DISC1: variants seen among roughly 807,000 people sequenced by gnomAD.
DISC1 encodes DISC1 scaffold protein, also known as disrupted in schizophrenia 1 protein.
In DISC1, 57 loss-of-function variants were observed where a neutral mutation model predicts 84.5. That is an observed-to-expected ratio of 0.67 (90% CI 0.55 to 0.84). The LOEUF (loss-of-function observed/expected upper bound fraction) is 0.84. DISC1 is among the 40% of genes least tolerant of loss of function. The probability of loss-of-function intolerance (pLI) is 0.00; values close to 1 mark genes in which losing one functional copy is unlikely to be tolerated. For synonymous variants in DISC1, 411 were observed against 415.2 expected (o/e 0.99, Z 0.12); for missense variants, 1,000 against 1,057.8 (o/e 0.95, Z 0.76).
intron 2 of DISC1, among the ~76,000 whole-genome samples, chr1:231,696,580 A>T (rs530752382): frequency 6.6e-6 from 1 of 152,230 alleles, no homozygotes; most frequent in Non-Finnish European, 1.5e-5. Flanking sequence ...AATTACACTC[A>T]TGTACTGCAT....
At chr1:231,710,079 G>A (rs2067623115) in intron 3 of DISC1, among the ~76,000 whole-genome samples, 1 of 152,134 alleles carries the variant, frequency 6.6e-6, no homozygotes, top group Non-Finnish European at 1.5e-5. Flanking sequence ...CCTCACACCT[G>A]TAATCCTAGC....
chr1:231,706,866 G>A (rs923358970), intron 3 of DISC1, among the ~76,000 whole-genome samples: 6 of 152,176 alleles, frequency 3.9e-5, no homozygotes, highest in African/African-American at 7.2e-5. Flanking sequence ...TCAGTTTCTC[G>A]TCACTGATGG....
chr1:231,895,660 T>C (rs908804983), intron 9 of DISC1, among the ~76,000 whole-genome samples: 1 of 152,032 alleles, frequency 6.6e-6, no homozygotes, highest in Non-Finnish European at 1.5e-5. Flanking sequence ...CATTTTTGCA[T>C]CCATATTAAT....
In DISC1 at chr1:231,626,906, CG is replaced by C; in HGVS notation, c.41del (p.Gly14AlafsTer5). ...GGPQGAPAAAGGGGVSHRAGS... is the reference protein window; with the variant it reads ...GGPQGAPAAAXGGGVSHRAGS... Reference sequence around the variant, plus strand: ...GTCCTCAGGGCGCCCCAGCCGCCGCCGGCGGCGGCGGCGTGAGCCACCGCGC... The same window carrying C: ...GTCCTCAGGGCGCCCCAGCCGCCGCCGCGGCGGCGGCGTGAGCCACCGCGC... On this transcript the variant is annotated frameshift_variant, in exon 1 of 13. Transcript: ENST00000439617. LOFTEE classifies it high-confidence loss of function. 6.7e-7 allele frequency: 1 copy of C among 1,496,930 alleles called. No individual in the cohort carries two copies. The highest frequency in any genetic ancestry group is 8.8e-7 in the Non-Finnish European group (1 of 1,130,780). 92.7% of individuals were successfully genotyped at this position (1,496,930 alleles called of 1,614,324 possible). A position where few individuals can be genotyped will look rare whatever the true frequency, so the allele number is the denominator to read the frequency against.
At chr1:231,986,795 A>G (rs1664511090) in intron 10 of DISC1, among the ~76,000 whole-genome samples, 1 of 152,172 alleles carries the variant, frequency 6.6e-6, no homozygotes, top group African/African-American at 2.4e-5. Flanking sequence ...GGGATTGAAT[A>G]CTGATAAGGA....
intron 9 of DISC1, among the ~76,000 whole-genome samples, chr1:231,820,436 T>TA (rs1384694134): frequency 6.6e-6 from 1 of 152,206 alleles, no homozygotes; most frequent in Admixed American, 6.5e-5. Context: ...TGCATGCATG[T>TA]ACCATGACTC....
At chr1:231,847,672 A>C (rs555690097) in intron 9 of DISC1, among the ~76,000 whole-genome samples, 38 of 152,102 alleles carry the variant, frequency 2.5e-4, no homozygotes, top group Non-Finnish European at 2.8e-4. Context: ...CCCTCATCCT[A>C]AAATGGTTTC....
intron 2 of DISC1, among the ~76,000 whole-genome samples, chr1:231,695,413 G>GC (rs1383355500): frequency 2.6e-5 from 4 of 152,220 alleles, no homozygotes; most frequent in African/African-American, 4.8e-5. Flanking sequence ...GACATCTAAG[G>GC]CCCAGCCTTA....
At chr1:231,789,533 G>A (rs758557414) in intron 6 of DISC1, among the ~76,000 whole-genome samples, 6 of 152,212 alleles carry the variant, frequency 3.9e-5, no homozygotes, top group South Asian at 2.1e-4. Flanking sequence ...GTTCAGAGAC[G>A]ATTGCAGCAT....
rs1670042500 is a variant in DISC1 at position 232,031,460 on chromosome 1, G to A, written c.2425+4908G>A. On this transcript the variant is annotated intron_variant, in intron 12 of 12. Coordinates refer to ENST00000439617, the MANE Select transcript of DISC1 (RefSeq NM_018662.3). The surrounding 1 kb of genome is among the most constrained non-coding windows in gnomAD (Gnocchi z 4.6). ...AGGGAAAAGGGAAAGGAGAAGGGAA[G>A]GGAGAAGGGAAGGGAGCAAAAGGGA... 6.7e-6 allele frequency among the ~76,000 whole-genome samples: 1 copy of A among 148,588 alleles called. No homozygotes were observed. The highest frequency in any genetic ancestry group is 2.2e-4 in the South Asian group (1 of 4,610).
At chr1:231,753,570 G>C (rs146592189) in intron 4 of DISC1, among the ~76,000 whole-genome samples, 1 of 152,180 alleles carries the variant, frequency 6.6e-6, no homozygotes, top group East Asian at 1.9e-4. Flanking sequence ...TGCCATGAAG[G>C]TCTCTGAAAT....
At chr1:231,833,638 C>T (rs2082409675) in intron 9 of DISC1, among the ~76,000 whole-genome samples, 1 of 152,138 alleles carries the variant, frequency 6.6e-6, no homozygotes, top group South Asian at 2.1e-4. Context: ...TGCGGGCATT[C>T]CTTGGCCTGG....
chr1:231,835,865 C>T (rs1574166754), intron 9 of DISC1, among the ~76,000 whole-genome samples: 1 of 152,160 alleles, frequency 6.6e-6, no homozygotes, highest in Non-Finnish European at 1.5e-5. Flanking sequence ...GGATTTTAAA[C>T]TTCTTAAGGC....
rs543052960 is a variant in DISC1, at chr1:231,776,578, C to T, written c.1634+5508C>T. The stretch of plus-strand genomic sequence containing the variant: ...CTTCTGCAGTATCCATGCCCCCAGC[C>T]ACTAGCTAAACTGCCCAGGGCTCCC... On this transcript the variant is annotated intron_variant, in intron 6 of 12. Coordinates refer to ENST00000439617, the MANE Select transcript of DISC1 (RefSeq NM_018662.3). Among the ~76,000 whole-genome samples the T allele has an allele frequency of 2.0e-5, 3 of 152,322 alleles. No homozygotes were observed. The South Asian group carries it at 6.2e-4, about 32-fold the overall frequency.
intron 6 of DISC1, among the ~76,000 whole-genome samples, chr1:231,781,147 C>G (rs184142495): frequency 0.15 from 16,800 of 109,958 alleles, 1,119 homozygotes; most frequent in Non-Finnish European, 0.17. Context: ...TACCCTAAAA[C>G]TTAAAGTATA....
intron 6 of DISC1, among the ~76,000 whole-genome samples, chr1:231,786,983 A>G (rs568827917): frequency 4.6e-4 from 70 of 152,296 alleles, no homozygotes; most frequent in Admixed American, 4.1e-3. Context: ...CCTCAAGGAT[A>G]AGGAGGATCA....
intron 10 of DISC1, among the ~76,000 whole-genome samples, chr1:231,994,917 T>G (rs1444979112): frequency 1.3e-5 from 2 of 152,178 alleles, no homozygotes; most frequent in East Asian, 3.8e-4. Flanking sequence ...GAATATAAAC[T>G]AAATTCTATT....
intron 9 of DISC1, among the ~76,000 whole-genome samples, chr1:231,908,042 T>G (rs1448100964): frequency 6.6e-6 from 1 of 152,240 alleles, no homozygotes. Flanking sequence ...TTCTTGTAAA[T>G]TTGTTTAAGT....
chr1:231,923,004 G>A (rs1030299703), intron 9 of DISC1, among the ~76,000 whole-genome samples: 11 of 152,142 alleles, frequency 7.2e-5, no homozygotes, highest in South Asian at 2.1e-4. Context: ...TGAGCCAGGC[G>A]TGGTGGCTCA....
Sources: allele counts gnomAD v4.1 joint callset (sites outside exome capture counted in the v4.1 genomes callset), GRCh38; gene constraint gnomAD v4.1.1; non-coding constraint Gnocchi (gnomAD v3.1); transcripts MANE v1.5; gene names NCBI Gene and HGNC (gene_info 2026-07-23, HGNC 2026-07-21).